GPC6: variants seen among roughly 807,000 people sequenced by gnomAD.
The protein encoded by GPC6 is glypican-6.
GPC6 carries 14 observed loss-of-function variants against 55.2 expected under a neutral mutation model. The observed-to-expected ratio is 0.25, with a 90% CI of 0.17 to 0.40. GPC6 has a LOEUF of 0.40. Among genes scored for constraint, GPC6 ranks in the 10% least tolerant of loss-of-function variants. The pLI is 1.00. For missense variants in GPC6, 641 were observed against 708.5 expected, an observed-to-expected ratio of 0.90 and a Z score of 1.08; for synonymous variants, 278 against 259.6, an observed-to-expected ratio of 1.07 and a Z score of -0.68.
At chr13:93,463,298 T>C (rs201101881) in intron 1 of GPC6, among the ~76,000 whole-genome samples, 1 of 152,158 alleles carries the variant, frequency 6.6e-6, no homozygotes, top group East Asian at 1.9e-4. Context: ...AAGAAAGAAA[T>C]AACATCTAAA....
At chr13:94,158,540 C>A (rs1267110513) in intron 4 of GPC6, among the ~76,000 whole-genome samples, 1 of 151,980 alleles carries the variant, frequency 6.6e-6, no homozygotes, top group African/African-American at 2.4e-5. Flanking sequence ...TAACTTTCAG[C>A]AAACAGAGGG....
intron 1 of GPC6, among the ~76,000 whole-genome samples, chr13:93,331,987 T>C (rs1879863789): frequency 6.6e-6 from 1 of 151,700 alleles, no homozygotes; most frequent in Non-Finnish European, 1.5e-5. Context: ...CTGGCTTATT[T>C]CACTTAACAT....
intron 1 of GPC6, among the ~76,000 whole-genome samples, chr13:93,365,834 G>A (rs920623407): frequency 1.3e-5 from 2 of 152,074 alleles, no homozygotes; most frequent in Admixed American, 1.3e-4. Context: ...TGTGGAATAT[G>A]TAGAGTGTTG....
At chr13:93,937,621 C>T (rs1878501266) in intron 3 of GPC6, among the ~76,000 whole-genome samples, 1 of 152,088 alleles carries the variant, frequency 6.6e-6, no homozygotes, top group Non-Finnish European at 1.5e-5. Context: ...CTCTGTTGCC[C>T]AGGCTGGAGT....
At chr13:93,410,243 A>T (rs1876444675) in intron 1 of GPC6, among the ~76,000 whole-genome samples, 1 of 152,144 alleles carries the variant, frequency 6.6e-6, no homozygotes. Flanking sequence ...CATAGGTTGC[A>T]TTTTTTCCAA....
intron 3 of GPC6, among the ~76,000 whole-genome samples, chr13:93,831,272 C>T (rs1422850687): frequency 6.6e-6 from 1 of 152,160 alleles, no homozygotes; most frequent in Non-Finnish European, 1.5e-5. Context: ...TTCTACATTC[C>T]ACTACTTAAA....
intron 1 of GPC6, among the ~76,000 whole-genome samples, chr13:93,378,431 T>C (rs1875016136): frequency 6.6e-6 from 1 of 152,168 alleles, no homozygotes; most frequent in South Asian, 2.1e-4. Flanking sequence ...CCCACTCACT[T>C]TCAAAGACTA....
intron 3 of GPC6, among the ~76,000 whole-genome samples, chr13:93,972,927 GTCTC>G (rs577057713): frequency 3.7e-4 from 51 of 136,804 alleles, no homozygotes; most frequent in African/African-American, 6.7e-4. Context: ...CTGTCTCTCT[GTCTC>G]TCTCTCTCTC....
At chr13:93,852,309 G>A (rs1292035639) in intron 3 of GPC6, among the ~76,000 whole-genome samples, 1 of 151,678 alleles carries the variant, frequency 6.6e-6, no homozygotes. Context: ...TTTGTAAACT[G>A]CATATAAGAT....
At chr13:93,649,389 C>T (rs1221009826) in intron 2 of GPC6, among the ~76,000 whole-genome samples, 4 of 152,130 alleles carry the variant, frequency 2.6e-5, no homozygotes, top group Non-Finnish European at 5.9e-5. Flanking sequence ...GACATAGATG[C>T]TGCAATAAGC....
chr13:94,273,881 T>C (rs911337101), intron 4 of GPC6, among the ~76,000 whole-genome samples: 1 of 152,186 alleles, frequency 6.6e-6, no homozygotes, highest in Non-Finnish European at 1.5e-5. Flanking sequence ...ATGTGAATTA[T>C]TTGAACATTC....
At chr13:93,294,462 A>T (rs1030583671) in intron 1 of GPC6, among the ~76,000 whole-genome samples, 1 of 151,950 alleles carries the variant, frequency 6.6e-6, no homozygotes, top group African/African-American at 2.4e-5. Context: ...CTGCCCCTGC[A>T]AAAAAGACAA....
At chr13:93,565,697 G>C (rs2139465353) in intron 2 of GPC6, among the ~76,000 whole-genome samples, 1 of 152,212 alleles carries the variant, frequency 6.6e-6, no homozygotes, top group East Asian at 1.9e-4. Context: ...GCTAAAGCAG[G>C]TGGATCACGA....
intron 3 of GPC6, among the ~76,000 whole-genome samples, chr13:93,890,716 A>AT (rs35783811): frequency 0.25 from 31,260 of 125,254 alleles, 3,640 homozygotes; most frequent in Non-Finnish European, 0.27. Flanking sequence ...ATTTTACTTA[A>AT]TTTTTTTTTT....
chr13:93,280,621 A>C (rs1877918458), intron 1 of GPC6, among the ~76,000 whole-genome samples: 1 of 152,244 alleles, frequency 6.6e-6, no homozygotes, highest in Non-Finnish European at 1.5e-5. Flanking sequence ...TAGACCATTC[A>C]TGGCCAGAAA....
At chr13:94,302,622 A>G (rs889135132) in intron 5 of GPC6, among the ~76,000 whole-genome samples, 2 of 152,236 alleles carry the variant, frequency 1.3e-5, no homozygotes, top group Admixed American at 6.5e-5. Context: ...TTTCTAAGCA[A>G]AAACAACGGC....
At chr13:94,140,456 T>G (rs924828032) in intron 4 of GPC6, among the ~76,000 whole-genome samples, 1 of 152,342 alleles carries the variant, frequency 6.6e-6, no homozygotes, top group African/African-American at 2.4e-5. Flanking sequence ...GAAAAAATTA[T>G]GAAACTCCCA....
chr13:93,653,575 C>CGTGT lies in GPC6; in HGVS notation c.319+108189_319+108192dup, dbSNP rs55845007. On this transcript the variant is annotated intron_variant, in intron 2 of 8. Coordinates refer to ENST00000377047, the MANE Select transcript of GPC6 (RefSeq NM_005708.5). ...TCAATAATCCTATGAAGTATATGGC[C>CGTGT]GTGTGTGTGTGTGTGTGTGTGTGTG... 2.7e-4 allele frequency among the ~76,000 whole-genome samples: 40 copies of CGTGT among 145,760 alleles called. 1 individual carries two copies. The highest frequency in any genetic ancestry group is 8.1e-4 in the African/African-American group (32 of 39,464).
intron 4 of GPC6, among the ~76,000 whole-genome samples, chr13:94,085,183 G>A (rs1055379414): frequency 2.6e-5 from 4 of 151,640 alleles, no homozygotes; most frequent in African/African-American, 4.8e-5. Flanking sequence ...TTAGCCAAGC[G>A]TGGTGGTGTG....
Sources: allele counts gnomAD v4.1 joint callset (sites outside exome capture counted in the v4.1 genomes callset), GRCh38; gene constraint gnomAD v4.1.1; transcripts MANE v1.5; gene names NCBI Gene and HGNC (gene_info 2026-07-23, HGNC 2026-07-21).